The following ANO4 variants were observed in gnomAD, a reference collection of about 807,000 sequenced individuals.
The protein encoded by ANO4 is anoctamin 4, also known as anoctamin-4.
In ANO4, 69 loss-of-function variants were observed where a neutral mutation model predicts 141.9. The ratio of observed to expected loss-of-function variants is 0.49; its 90% CI spans 0.40 to 0.59. ANO4 has a LOEUF of 0.59. ANO4 is among the 20% of genes least tolerant of loss of function. The probability of loss-of-function intolerance (pLI) is 0.00; values close to 1 mark genes in which losing one functional copy is unlikely to be tolerated. For missense variants in ANO4, 894 were observed against 1,162.2 expected, an observed-to-expected ratio of 0.77 and a Z score of 3.36; for synonymous variants, 350 against 394.3, an observed-to-expected ratio of 0.89 and a Z score of 1.33.
At chr12:100,775,204 A>G (rs2033455445) in intron 3 of ANO4, among the ~76,000 whole-genome samples, 1 of 152,232 alleles carries the variant, frequency 6.6e-6, no homozygotes, top group South Asian at 2.1e-4. Context: ...GCACACTAAA[A>G]TAGCAGTCTT....
At position 101,128,490 on chromosome 12, in the gene ANO4, A is replaced by G. The variant is rs79709625; in HGVS notation, c.*634A>G. On this transcript the variant is annotated 3_prime_UTR_variant, in exon 28 of 28. Transcript: ENST00000392977. The stretch of plus-strand genomic sequence containing the variant: ...AAATACAGAGATATATAAAGTACAT[A>G]GAAATTCCTTACTTGTAAATAGCCA... 6.5e-6 allele frequency: 1 copy of G among 152,684 alleles called. No homozygotes were observed. Among genetic ancestry groups the G allele is most frequent in the Non-Finnish European group, 1.5e-5 (1 of 68,046 alleles). The allele number at this position is 152,684 out of a possible 1,614,324, so 9.5% of individuals were successfully genotyped here.
At chr12:100,949,114 A>C (rs928030606) in intron 5 of ANO4, among the ~76,000 whole-genome samples, 1 of 152,174 alleles carries the variant, frequency 6.6e-6, no homozygotes, top group Non-Finnish European at 1.5e-5. Context: ...ATAACTGAGA[A>C]TCCTGGAAGC....
chr12:101,028,667 A>G (rs1324954099), intron 9 of ANO4, among the ~76,000 whole-genome samples: 1 of 152,228 alleles, frequency 6.6e-6, no homozygotes, highest in South Asian at 2.1e-4. Flanking sequence ...TCCAAGAAAT[A>G]TGGGACTTCA....
At chr12:101,066,522 C>T (rs577493858) in intron 14 of ANO4, among the ~76,000 whole-genome samples, 1 of 152,284 alleles carries the variant, frequency 6.6e-6, no homozygotes, top group East Asian at 1.9e-4. Flanking sequence ...GCTACAAATA[C>T]AATCAAAGAA....
At chr12:100,788,586 A>T (rs1316003720) in intron 3 of ANO4, among the ~76,000 whole-genome samples, 1 of 152,210 alleles carries the variant, frequency 6.6e-6, no homozygotes, top group African/African-American at 2.4e-5. Flanking sequence ...CCTTGATTTC[A>T]TTCCTACTCA....
At chr12:100,736,002 G>A (rs1423887955) in intron 2 of ANO4, among the ~76,000 whole-genome samples, 1 of 152,172 alleles carries the variant, frequency 6.6e-6, no homozygotes, top group African/African-American at 2.4e-5. Context: ...GGGGAAGCAC[G>A]GTGAGGGTAG....
intron 17 of ANO4, among the ~76,000 whole-genome samples, chr12:101,092,601 A>G (rs1445666174): frequency 1.3e-5 from 2 of 152,140 alleles, no homozygotes; most frequent in African/African-American, 4.8e-5. Flanking sequence ...CCTTATATGT[A>G]TATCCTTCAG....
rs61099400 is a variant in ANO4 at position 100,949,839 on chromosome 12, T to C, written c.456+7304T>C. On this transcript the variant is annotated intron_variant, in intron 5 of 27. Coordinates refer to ENST00000392977, the MANE Select transcript of ANO4 (RefSeq NM_001286615.2). ...TTAGATTCATCTGGGTATAAAGTTATAGATCAATTCAGAGCTAAACAACAA... is the reference window on the plus strand; with the variant it reads ...TTAGATTCATCTGGGTATAAAGTTACAGATCAATTCAGAGCTAAACAACAA... Among the ~76,000 whole-genome samples the C allele has an allele frequency of 1.1e-3, 167 of 152,326 alleles. 3 individuals are homozygous for C. In the East Asian group the frequency reaches 0.017, roughly 16 times the overall value.
intron 3 of ANO4, among the ~76,000 whole-genome samples, chr12:100,928,733 G>GT (rs1478063644): frequency 6.6e-6 from 1 of 152,166 alleles, no homozygotes; most frequent in Non-Finnish European, 1.5e-5. Flanking sequence ...TCCCAGGGCT[G>GT]TAAGAAGTGC....
At position 100,944,622 on chromosome 12, in the gene ANO4, TCC is replaced by T. The variant is rs2042649200; in HGVS notation, c.456+2089_456+2090del. 3.3e-5 allele frequency among the ~76,000 whole-genome samples: 5 copies of T among 152,204 alleles called. No individual in the cohort carries two copies. In the South Asian group the frequency reaches 1.0e-3, roughly 32 times the overall value. The stretch of plus-strand genomic sequence containing the variant: ...TGGAACCTTCTTCACAAGTGACCTC[TCC>T]CGCTGCCTGGCTCGAGTCTTGCCCT... On this transcript the variant is annotated intron_variant, in intron 5 of 27. Transcript: ENST00000392977.
At chr12:100,922,811 A>G (rs138254305) in intron 3 of ANO4, among the ~76,000 whole-genome samples, 300 of 152,214 alleles carry the variant, frequency 2.0e-3, no homozygotes, top group African/African-American at 6.8e-3. Context: ...GTGAACCCTC[A>G]TTTTCTAAGC....
chr12:100,973,257 G>A (rs1385916079), intron 6 of ANO4, among the ~76,000 whole-genome samples: 4 of 152,110 alleles, frequency 2.6e-5, no homozygotes, highest in African/African-American at 4.8e-5. Flanking sequence ...AATAACTCTA[G>A]TCTAAGGAGA....
rs1172235025 is a variant in ANO4, at chr12:100,901,543, A to G, written c.-140-103A>G. The G allele has an allele frequency of 7.4e-6, 4 of 540,900 alleles. No homozygotes were observed. In the African/African-American group the frequency reaches 7.7e-5, roughly 10 times the overall value. 33.5% of individuals were successfully genotyped at this position (540,900 alleles called of 1,614,324 possible). On this transcript the variant is annotated intron_variant, in intron 1 of 27. Transcript: ENST00000392977. ...AGTGATGCATACCTTAAGAATTTGA[A>G]ACATGGTTGCTTCTGTTCTCTGGAC...
intron 14 of ANO4, among the ~76,000 whole-genome samples, chr12:101,075,099 A>G: frequency 6.6e-6 from 1 of 152,284 alleles, no homozygotes; most frequent in East Asian, 1.9e-4. Context: ...GGGATGATTC[A>G]GGGGGCGTAG....
At chr12:100,726,619 C>A (rs182722961) in intron 1 of ANO4, among the ~76,000 whole-genome samples, 5 of 152,280 alleles carry the variant, frequency 3.3e-5, no homozygotes, top group Admixed American at 2.0e-4. Flanking sequence ...TTCTGCATTT[C>A]TAATGGACTC....
chr12:100,746,160 A>T (rs931786791), intron 3 of ANO4, among the ~76,000 whole-genome samples: 11 of 152,222 alleles, frequency 7.2e-5, no homozygotes, highest in Admixed American at 7.2e-4. Context: ...TAGTTTAGAA[A>T]AGAAGGGTCT....
chr12:100,770,684 AC>A (rs1593300532), intron 3 of ANO4, among the ~76,000 whole-genome samples: 1 of 151,480 alleles, frequency 6.6e-6, no homozygotes, highest in East Asian at 1.9e-4. Context: ...CTCATATTTA[AC>A]CCCCTGTTTC....
chr12:100,787,309 G>T (rs1033270128), intron 3 of ANO4, among the ~76,000 whole-genome samples: 1 of 152,166 alleles, frequency 6.6e-6, no homozygotes, highest in African/African-American at 2.4e-5. Context: ...GGAGGGCAGG[G>T]AAAAGAAAGT....
intron 1 of ANO4, among the ~76,000 whole-genome samples, chr12:100,860,898 G>A (rs984142498): frequency 3.3e-5 from 5 of 152,152 alleles, no homozygotes; most frequent in African/African-American, 7.2e-5. Flanking sequence ...TTGTGTTCTC[G>A]CTGACTTCAA....
Sources: gnomAD v4.1 joint callset for allele counts (sites outside exome capture counted in the v4.1 genomes callset) on GRCh38, gnomAD v4.1.1 for gene constraint, MANE v1.5 for transcripts, NCBI Gene and HGNC (gene_info 2026-07-23, HGNC 2026-07-21) for gene names.